P2RX4: variants seen among roughly 807,000 people sequenced by gnomAD.
The protein encoded by P2RX4 is purinergic receptor P2X 4, also known as P2X purinoceptor 4.
In P2RX4, 37 loss-of-function variants were observed where a neutral mutation model predicts 48.0. The observed-to-expected ratio is 0.77, with a 90% CI of 0.59 to 1.01. P2RX4 has a LOEUF of 1.01. Among genes scored for constraint, P2RX4 ranks in the 50% least tolerant of loss-of-function variants. The pLI, the probability that P2RX4 is intolerant of heterozygous loss-of-function variation, is 0.00. For synonymous variants in P2RX4, 200 were observed against 199.7 expected (o/e 1.00, Z -0.01); for missense variants, 501 against 521.4 (o/e 0.96, Z 0.38).
At chr12:121,227,691 C>T (rs1887060881) in intron 5 of P2RX4, among the ~76,000 whole-genome samples, 1 of 152,158 alleles carries the variant, frequency 6.6e-6, no homozygotes, top group Non-Finnish European at 1.5e-5. Flanking sequence ...AGTGTCTTCT[C>T]TTGGAAGAGA....
chr12:121,214,694 G>A (rs1886104699), intron 1 of P2RX4: 1 of 152,244 alleles, frequency 6.6e-6, no homozygotes, highest in African/African-American at 2.4e-5. Context: ...CAGGGGAAAA[G>A]CCCATGGGGG....
At chr12:121,226,020 G>A (rs989301431) in intron 5 of P2RX4, among the ~76,000 whole-genome samples, 9 of 151,928 alleles carry the variant, frequency 5.9e-5, no homozygotes, top group South Asian at 2.1e-4. Context: ...GGGACCACAG[G>A]GGCGCACCAC....
At chr12:121,233,163 C>G (rs1445459305) in intron 11 of P2RX4, 71 bp downstream of exon 11, 1 of 1,102,482 alleles carries the variant, frequency 9.1e-7, no homozygotes, top group Non-Finnish European at 1.3e-6. Flanking sequence ...GGGCGTGGGC[C>G]TGTCTGGGGA....
intron 5 of P2RX4, among the ~76,000 whole-genome samples, chr12:121,227,919 C>A (rs1887072499): frequency 1.4e-5 from 2 of 141,446 alleles, no homozygotes; most frequent in Non-Finnish European, 3.0e-5. Context: ...GACTTCATGT[C>A]TACAAAAAAA....
intron 4 of P2RX4, chr12:121,222,484 C>T (rs2136230111): frequency 4.3e-6 from 2 of 460,164 alleles, no homozygotes; most frequent in Non-Finnish European, 8.1e-6. Context: ...ATGATCTCGG[C>T]TCACTGCAAC....
intron 5 of P2RX4, among the ~76,000 whole-genome samples, chr12:121,226,263 G>A (rs908270722): frequency 6.6e-6 from 1 of 152,050 alleles, no homozygotes; most frequent in African/African-American, 2.4e-5. Context: ...AATAACATTG[G>A]CCAGGCACAG....
intron 4 of P2RX4, 198 bp downstream of exon 4, chr12:121,222,364 G>GTTT (rs58279823): frequency 8.9e-5 from 40 of 450,648 alleles, no homozygotes; most frequent in South Asian, 1.3e-4. Flanking sequence ...TTGCCCTACT[G>GTTT]TTTTTTTTTT....
At chr12:121,210,514 G>T (rs1387347851) in intron 1 of P2RX4, among the ~76,000 whole-genome samples, 2 of 152,176 alleles carry the variant, frequency 1.3e-5, no homozygotes, top group Middle Eastern at 3.2e-3. Flanking sequence ...GCGCGGTGGC[G>T]CAAGCCTGTA....
intron 2 of P2RX4, among the ~76,000 whole-genome samples, chr12:121,218,758 A>G (rs55837222): frequency 0.11 from 17,259 of 152,198 alleles, 1,314 homozygotes; most frequent in Non-Finnish European, 0.16. Context: ...GGCTTTCCTC[A>G]TGAGCTTTCA....
At chr12:121,221,176 GTGTGTGTGTGTGTGTGTGTGTT>G (rs1247344599) in intron 2 of P2RX4, among the ~76,000 whole-genome samples, 6 of 135,920 alleles carry the variant, frequency 4.4e-5, no homozygotes, top group African/African-American at 1.9e-4. Flanking sequence ...TTGTGTGTGT[GTGTGTGTGTGTGTGTGTGTGTT>G]TTTAGTACAA....
intron 2 of P2RX4, among the ~76,000 whole-genome samples, chr12:121,220,956 G>A (rs1403315977): frequency 6.6e-6 from 1 of 152,080 alleles, no homozygotes; most frequent in Non-Finnish European, 1.5e-5. Flanking sequence ...GTTGTAGCCT[G>A]TATCAGTGCT....
At chr12:121,216,787 T>G in intron 1 of P2RX4, 1 of 578,474 alleles carries the variant, frequency 1.7e-6, no homozygotes, top group Non-Finnish European at 3.1e-6. Context: ...ACCATTGCAC[T>G]CCAGCTTAGG....
chr12:121,225,024 C>G (rs190063273), intron 5 of P2RX4, among the ~76,000 whole-genome samples: 30 of 151,560 alleles, frequency 2.0e-4, no homozygotes, highest in African/African-American at 7.3e-4. Context: ...TGGCTGGGTC[C>G]GAAAGGAGAT....
chr12:121,210,148 G>C lies in P2RX4; in HGVS notation c.-17G>C, dbSNP rs538188367. The C allele has an allele frequency of 8.6e-6, 13 of 1,518,468 alleles. No homozygotes were observed. The Admixed American group carries it at 2.8e-4, about 33-fold the overall frequency. 94.1% of individuals were successfully genotyped at this position (1,518,468 alleles called of 1,614,324 possible). ...GGACCCAGACCGACTAGGGGACTGG[G>C]AGCGGGCGGCGCGGCCATGGCGGGC... is the stretch of plus-strand genomic sequence containing the variant. On this transcript the variant is annotated 5_prime_UTR_variant, in exon 1 of 12. Transcript: ENST00000337233.
At chr12:121,217,101 A>G (rs1886274850) in intron 1 of P2RX4, 33 bp from the exon 2 acceptor site, 1 of 1,610,222 alleles carries the variant, frequency 6.2e-7, no homozygotes, top group Non-Finnish European at 8.5e-7. Flanking sequence ...TTGAATCCTA[A>G]TGGCAATTTA....
intron 4 of P2RX4, chr12:121,222,741 C>T (rs572263140): frequency 8.0e-6 from 12 of 1,507,296 alleles, no homozygotes; most frequent in East Asian, 2.6e-5. Flanking sequence ...TTGGCATCAC[C>T]CTGGCTGAGA....
chr12:121,217,316 A>ACAC, intron 2 of P2RX4, 35 bp downstream of exon 2: 1 of 1,603,968 alleles, frequency 6.2e-7, no homozygotes, highest in Non-Finnish European at 8.5e-7. Context: ...TCTAACACTG[A>ACAC]CACCTTGCTC....
At chr12:121,226,081 C>T (rs1315642394) in intron 5 of P2RX4, among the ~76,000 whole-genome samples, 1 of 151,480 alleles carries the variant, frequency 6.6e-6, no homozygotes, top group Non-Finnish European at 1.5e-5. Flanking sequence ...CCATGTTGCC[C>T]AGGCTGGTCT....
chr12:121,219,273 C>T (rs1357872531), intron 2 of P2RX4, among the ~76,000 whole-genome samples: 5 of 152,106 alleles, frequency 3.3e-5, no homozygotes, highest in Non-Finnish European at 4.4e-5. Context: ...CTTTGGAGGA[C>T]GCCAGCTATT....
Sources: gnomAD v4.1 joint callset for allele counts (sites outside exome capture counted in the v4.1 genomes callset) on GRCh38, gnomAD v4.1.1 for gene constraint, MANE v1.5 for transcripts, NCBI Gene and HGNC (gene_info 2026-07-23, HGNC 2026-07-21) for gene names.